Variants in DCAF1 observed in about 807,000 individuals in gnomAD.
DCAF1 encodes the protein DDB1- and CUL4-associated factor 1.
DCAF1 carries 15 observed loss-of-function variants against 128.0 expected under a neutral mutation model. The ratio of observed to expected loss-of-function variants is 0.12; its 90% CI spans 0.08 to 0.18. The LOEUF (loss-of-function observed/expected upper bound fraction) is 0.18, where lower values mean the gene tolerates loss of function less well. Among genes scored for constraint, DCAF1 ranks in the 10% least tolerant of loss-of-function variants. The pLI, the probability that DCAF1 is intolerant of heterozygous loss-of-function variation, is 1.00. For synonymous variants in DCAF1, 610 were observed against 603.0 expected, an observed-to-expected ratio of 1.01 and a Z score of -0.17; for missense variants, 988 against 1,649.5, an observed-to-expected ratio of 0.60 and a Z score of 6.95.
intron 3 of DCAF1, 72 bp downstream of exon 3, chr3:51,483,646 TA>T: frequency 1.0e-6 from 1 of 954,368 alleles, no homozygotes; most frequent in Non-Finnish European, 1.7e-6. Context: ...TGTGTGTGTG[TA>T]TGAAGAAATC....
chr3:51,495,706 A>G (rs994018765), intron 2 of DCAF1, among the ~76,000 whole-genome samples: 3 of 152,140 alleles, frequency 2.0e-5, no homozygotes, highest in African/African-American at 7.2e-5. Context: ...CAGCCTGGAC[A>G]ACATGGTGAA....
At chr3:51,438,026 C>G in intron 9 of DCAF1, 1 of 359,340 alleles carries the variant, frequency 2.8e-6, no homozygotes, top group Admixed American at 4.0e-5. Flanking sequence ...TAGTTTTATA[C>G]CTGTTATATG....
At chr3:51,419,699 C>G (rs782386395) in intron 15 of DCAF1, 35 bp downstream of exon 15, 5 of 1,554,418 alleles carry the variant, frequency 3.2e-6, no homozygotes, top group Non-Finnish European at 4.3e-6. Context: ...AGAATCATTC[C>G]AATTCCCAGG....
At chr3:51,429,839 G>A (rs560014740) in intron 11 of DCAF1, among the ~76,000 whole-genome samples, 194 bp downstream of exon 11, 1 of 151,938 alleles carries the variant, frequency 6.6e-6, no homozygotes, top group East Asian at 1.9e-4. Flanking sequence ...AGTCTACAAC[G>A]GCACAGTGTC....
intron 3 of DCAF1, among the ~76,000 whole-genome samples, chr3:51,477,523 G>C (rs1196266706): frequency 6.6e-6 from 1 of 151,648 alleles, no homozygotes; most frequent in African/African-American, 2.4e-5. Flanking sequence ...GCCACTCAGA[G>C]GGCTGAGGTG....
chr3:51,427,867 T>C (rs1022562227), intron 12 of DCAF1, among the ~76,000 whole-genome samples: 30 of 152,088 alleles, frequency 2.0e-4, no homozygotes, highest in African/African-American at 6.5e-4. Context: ...GGCATGATCA[T>C]AGCTCACTGC....
intron 9 of DCAF1, among the ~76,000 whole-genome samples, chr3:51,434,279 G>GTAGTCC (rs1700632433): frequency 6.6e-6 from 1 of 152,012 alleles, no homozygotes; most frequent in South Asian, 2.1e-4. Context: ...GCGCATGCCT[G>GTAGTCC]TAGTCCCAGT....
intron 2 of DCAF1, among the ~76,000 whole-genome samples, chr3:51,487,322 A>G (rs1207604914): frequency 6.6e-6 from 1 of 152,186 alleles, no homozygotes; most frequent in African/African-American, 2.4e-5. Context: ...AGCTGCAAAG[A>G]TAGTACACAG....
At chr3:51,404,292 A>AACAAT (rs2089951137) in intron 23 of DCAF1, among the ~76,000 whole-genome samples, 3 of 152,268 alleles carry the variant, frequency 2.0e-5, no homozygotes, top group African/African-American at 7.2e-5. Context: ...AGCCTTGCCA[A>AACAAT]TAGCAAAGGA....
In DCAF1 at chr3:51,398,827, G is replaced by A; in HGVS notation, c.4466C>T (p.Thr1489Ile). ...DEEVELILGD[T>I]DSSDNSDLED... The stretch of plus-strand genomic sequence containing the variant: ...CAAATCAGAGTTGTCAGAGCTGTCA[G>A]CTGAAAGGGAAGAAAAGGGAGAGAC... Residue 1489 changes from threonine to isoleucine, a missense_variant and splice_region_variant, in exon 25 of 25, where the codon ACT becomes ATT. Transcript: ENST00000684031. 1.9e-6 allele frequency: 3 copies of A among 1,583,120 alleles called. No homozygotes were observed. The highest frequency in any genetic ancestry group is 2.6e-6 in the Non-Finnish European group (3 of 1,163,650).
At chr3:51,428,250 C>G (rs1294123717) in intron 12 of DCAF1, among the ~76,000 whole-genome samples, 1 of 150,736 alleles carries the variant, frequency 6.6e-6, no homozygotes, top group Non-Finnish European at 1.5e-5. Context: ...AGCCCGATCA[C>G]GTGCGGCCTC....
At chr3:51,498,782 CATT>C (rs1553662658) in intron 1 of DCAF1, among the ~76,000 whole-genome samples, 1 of 152,024 alleles carries the variant, frequency 6.6e-6, no homozygotes, top group African/African-American at 2.4e-5. Flanking sequence ...ATGGTCACAT[CATT>C]AAGAAAAATA....
Position 51,403,273 on chromosome 3 carries a change from G to A in DCAF1, c.4335C>T (p.Asn1445=), listed in dbSNP as rs1553625537. ...AELEEDDNNE[N]AGEDGDNDFS... ...AGTCATTGTCCCCATCTTCCCCTGC[G>A]TTCTCATTATTGTCGTCCTCCTCCA... Residue 1445 remains asparagine (N), a synonymous_variant, in exon 24 of 25, where the codon AAC becomes AAT. Transcript: ENST00000684031. 10 of 1,610,274 alleles carry A rather than the reference G, an allele frequency of 6.2e-6. No individual in the cohort carries two copies. Among genetic ancestry groups the A allele is most frequent in the Middle Eastern group, 1.6e-4 (1 of 6,078 alleles).
intron 16 of DCAF1, 45 bp downstream of exon 16, chr3:51,418,633 C>A: frequency 1.9e-6 from 3 of 1,565,534 alleles, no homozygotes; most frequent in Admixed American, 1.9e-5. Context: ...TTCACCAATT[C>A]ATCTTGGAAG....
chr3:51,478,458 C>T (rs1466247188), intron 3 of DCAF1, among the ~76,000 whole-genome samples: 1 of 152,044 alleles, frequency 6.6e-6, no homozygotes, highest in Non-Finnish European at 1.5e-5. Flanking sequence ...ACATTAAGTA[C>T]TTTTAGTATA....
At chr3:51,453,176 A>G (rs1487683846) in intron 6 of DCAF1, among the ~76,000 whole-genome samples, 1 of 152,228 alleles carries the variant, frequency 6.6e-6, no homozygotes, top group Non-Finnish European at 1.5e-5. Context: ...TGGAGATTTT[A>G]GTCTATAAAT....
intron 3 of DCAF1, among the ~76,000 whole-genome samples, chr3:51,481,410 G>C (rs1338149766): frequency 6.6e-6 from 1 of 152,192 alleles, no homozygotes; most frequent in African/African-American, 2.4e-5. Context: ...ACCTAATGCA[G>C]GCCAGGCGCA....
chr3:51,402,566 A>ATTTTTTTTTTTTTT (rs540396047), intron 24 of DCAF1, among the ~76,000 whole-genome samples: 2 of 84,984 alleles, frequency 2.4e-5, no homozygotes, highest in Non-Finnish European at 4.0e-5. Context: ...CCTACAAAGC[A>ATTTTTTTTTTTTTT]TTTTTTTTTT....
chr3:51,410,165 C>G lies in DCAF1; in HGVS notation c.4212+2214G>C, dbSNP rs142082569. ...GTTTCAAACTCTACAGCCTAATTAT[C>G]CTTTACCAGGCCCTGAGGAAGGCTC... On this transcript the variant is annotated intron_variant, in intron 23 of 24. Transcript: ENST00000684031. 3.5e-3 allele frequency among the ~76,000 whole-genome samples: 528 copies of G among 152,318 alleles called. 6 individuals carry two copies. The highest frequency in any genetic ancestry group is 3.1e-3 in the Non-Finnish European group (208 of 68,038).
Sources: gnomAD v4.1 joint callset for allele counts (sites outside exome capture counted in the v4.1 genomes callset) on GRCh38, gnomAD v4.1.1 for gene constraint, MANE v1.5 for transcripts, NCBI Gene and HGNC (gene_info 2026-07-23, HGNC 2026-07-21) for gene names.